Variants in SGK3 observed in about 807,000 individuals in gnomAD.
SGK3 encodes the protein serum/glucocorticoid regulated kinase family member 3.
In SGK3, 47 loss-of-function variants were observed where a neutral mutation model predicts 68.5. The ratio of observed to expected loss-of-function variants is 0.69; its 90% CI spans 0.54 to 0.87. The LOEUF is 0.87. SGK3 is among the 40% of genes least tolerant of loss of function. The pLI is 0.00. For missense variants in SGK3, 479 were observed against 575.5 expected (o/e 0.83, Z 1.72); for synonymous variants, 181 against 189.1 (o/e 0.96, Z 0.35).
chr8:66,756,149 AGATGCTGTGAG>A, intron 1 of SGK3, among the ~76,000 whole-genome samples: 1 of 152,230 alleles, frequency 6.6e-6, no homozygotes, highest in Non-Finnish European at 1.5e-5. Flanking sequence ...TACACAAGGA[AGATGCTGTGAG>A]GACACAGGGA....
At chr8:66,713,639 C>T (rs903477961) in intron 1 of SGK3, among the ~76,000 whole-genome samples, 1 of 152,200 alleles carries the variant, frequency 6.6e-6, no homozygotes, top group Non-Finnish European at 1.5e-5. Context: ...TGAGACTTCA[C>T]CCAGCCAATC....
chr8:66,853,699 A>G (rs1810390887), intron 16 of SGK3, among the ~76,000 whole-genome samples: 1 of 152,164 alleles, frequency 6.6e-6, no homozygotes, highest in Admixed American at 6.5e-5. Flanking sequence ...TGCATTCTGG[A>G]TTCTCTTTTT....
intron 1 of SGK3, among the ~76,000 whole-genome samples, chr8:66,759,223 C>CAGAGTGAGACTCTCTCTAAAAAAAAAA (rs1389635296): frequency 6.6e-6 from 1 of 151,184 alleles, no homozygotes; most frequent in African/African-American, 2.4e-5. Flanking sequence ...GTAGCTGGGA[C>CAGAGTGAGACTCTCTCTAAAAAAAAAA]TACAGGTGTG....
At chr8:66,789,983 TGA>T (rs1478119950) in intron 1 of SGK3, among the ~76,000 whole-genome samples, 1 of 151,772 alleles carries the variant, frequency 6.6e-6, no homozygotes, top group Admixed American at 6.6e-5. Context: ...GAGGCTGAGG[TGA>T]GAGGATTGCT....
intron 16 of SGK3, among the ~76,000 whole-genome samples, chr8:66,857,799 A>G (rs200526485): frequency 0.035 from 4,662 of 133,792 alleles, 109 homozygotes; most frequent in Admixed American, 0.059. Flanking sequence ...GTGTGTGTGT[A>G]TGTGTGTGTG....
At position 66,813,825 on chromosome 8, in the gene SGK3, A is replaced by T. The variant is rs1380917071; in HGVS notation, c.254-28A>T. On this transcript the variant is annotated intron_variant, in intron 4 of 16. Transcript: ENST00000521198. ...ATAATTGCATAGTCTGACATAAATAATCCTAATAGTTTATATCTCTCTTCC... is the reference window on the plus strand; with the variant it reads ...ATAATTGCATAGTCTGACATAAATATTCCTAATAGTTTATATCTCTCTTCC... 3.9e-6 allele frequency: 6 copies of T among 1,539,880 alleles called. No individual in the cohort carries two copies. The African/African-American group carries it at 8.4e-5, about 21-fold the overall frequency.
rs1426478570 is a variant in SGK3, at chr8:66,839,549, ATATATATATT to A, written c.742-452_742-443del. 5.3e-4 allele frequency among the ~76,000 whole-genome samples: 41 copies of A among 77,948 alleles called. 3 individuals carry two copies. Among genetic ancestry groups the A allele is most frequent in the African/African-American group, 1.1e-3 (18 of 16,582 alleles). 51.1% of individuals were successfully genotyped at this position (77,948 alleles called of 152,430 possible). The stretch of plus-strand genomic sequence containing the variant: ...TATATATATATATATATATATATAT[ATATATATATT>A]TTCATATGGGTTATATTTGTTCTGC... On this transcript the variant is annotated intron_variant, in intron 10 of 16. Transcript: ENST00000521198.
intron 1 of SGK3, chr8:66,767,508 A>C (rs1806355465): frequency 2.0e-6 from 3 of 1,510,678 alleles, no homozygotes; most frequent in Non-Finnish European, 2.8e-6. Flanking sequence ...GCATCTTCAA[A>C]GGTGAAGGGG....
intron 16 of SGK3, among the ~76,000 whole-genome samples, chr8:66,854,219 A>C (rs1020749756): frequency 1.3e-5 from 2 of 152,200 alleles, no homozygotes; most frequent in African/African-American, 4.8e-5. Context: ...AATAGTTTAC[A>C]GTTCTGTGGC....
intron 5 of SGK3, among the ~76,000 whole-genome samples, chr8:66,817,997 A>G (rs921193944): frequency 1.2e-4 from 18 of 152,038 alleles, no homozygotes; most frequent in Non-Finnish European, 2.9e-5. Flanking sequence ...GGTAGTCCCA[A>G]CTGCTCAGGA....
intron 1 of SGK3, among the ~76,000 whole-genome samples, chr8:66,780,153 T>G (rs969492738): frequency 2.6e-5 from 4 of 152,214 alleles, no homozygotes; most frequent in African/African-American, 9.6e-5. Context: ...CATAGCATAT[T>G]AGTACATATA....
chr8:66,770,392 T>A (rs1286013818), intron 1 of SGK3, among the ~76,000 whole-genome samples: 1 of 152,254 alleles, frequency 6.6e-6, no homozygotes. Context: ...GATATTTTTC[T>A]ATTCTTACAA....
At chr8:66,748,210 A>G (rs7015720) in intron 1 of SGK3, among the ~76,000 whole-genome samples, 3,310 of 152,284 alleles carry the variant, frequency 0.022, 137 homozygotes, top group African/African-American at 0.076. Context: ...AGAAAATTAT[A>G]TAATATAAAT....
chr8:66,728,917 TAA>T (rs879295820), intron 1 of SGK3, among the ~76,000 whole-genome samples: 9 of 139,672 alleles, frequency 6.4e-5, no homozygotes, highest in Admixed American at 1.4e-4. Context: ...CTCTGCCTCT[TAA>T]AAAAAAAAAA....
chr8:66,790,239 C>T (rs1563628623), intron 1 of SGK3, among the ~76,000 whole-genome samples: 2 of 152,254 alleles, frequency 1.3e-5, no homozygotes, highest in South Asian at 2.1e-4. Context: ...CCAGAGTAGA[C>T]TTGGAACTTC....
rs748278480 is a variant in SGK3 at position 66,767,630 on chromosome 8, C to T, written c.-121-25986C>T. On this transcript the variant is annotated intron_variant, in intron 1 of 16. Coordinates refer to ENST00000521198, the MANE Select transcript of SGK3 (RefSeq NM_001033578.3). The stretch of plus-strand genomic sequence containing the variant: ...TGCTCTTCAGGCAGGTCAAAACTCT[C>T]GAAGCCTAGAGGATTGAAGGGAAAT... 102 of 1,370,922 alleles carry T rather than the reference C, an allele frequency of 7.4e-5. No homozygotes were observed. The South Asian group carries it at 8.3e-4, about 11-fold the overall frequency. The allele number at this position is 1,370,922 out of a possible 1,614,324, so 84.9% of individuals were successfully genotyped here. A position where few individuals can be genotyped will look rare whatever the true frequency, so the allele number is the denominator to read the frequency against.
intron 1 of SGK3, among the ~76,000 whole-genome samples, chr8:66,729,735 T>TTATTTATATTTATTTATTTA (rs149985419): frequency 1.3e-4 from 19 of 150,908 alleles, no homozygotes; most frequent in African/African-American, 4.4e-4. Context: ...ATTTATTTAT[T>TTATTTATATTTATTTATTTA]TTTATTTATT....
At chr8:66,732,456 C>A (rs992673869) in intron 1 of SGK3, among the ~76,000 whole-genome samples, 2 of 151,406 alleles carry the variant, frequency 1.3e-5, no homozygotes, top group Non-Finnish European at 2.9e-5. Context: ...CCACTCCACT[C>A]CAGCCTGGGT....
intron 16 of SGK3, among the ~76,000 whole-genome samples, chr8:66,856,044 A>G (rs1287473543): frequency 6.6e-6 from 1 of 151,672 alleles, no homozygotes; most frequent in African/African-American, 2.4e-5. Context: ...ACTCTCAGAT[A>G]CTCTGAAGGC....
Sources: gnomAD v4.1 joint callset for allele counts (sites outside exome capture counted in the v4.1 genomes callset) on GRCh38, gnomAD v4.1.1 for gene constraint, MANE v1.5 for transcripts, NCBI Gene and HGNC (gene_info 2026-07-23, HGNC 2026-07-21) for gene names.